The following PTPN4 variants were observed in gnomAD, a reference collection of about 807,000 sequenced individuals.
The protein encoded by PTPN4 is tyrosine-protein phosphatase non-receptor type 4.
Under a neutral mutation model 135.5 loss-of-function variants are expected in PTPN4, and 49 were observed. That is an observed-to-expected ratio of 0.36 (90% CI 0.29 to 0.46). The LOEUF (loss-of-function observed/expected upper bound fraction) is 0.46, where lower values mean the gene tolerates loss of function less well. PTPN4 is among the 20% of genes least tolerant of loss of function. PTPN4 has a pLI of 1.00. For missense variants in PTPN4, 860 were observed against 1,101.0 expected, an observed-to-expected ratio of 0.78 and a Z score of 3.10; for synonymous variants, 333 against 369.9, an observed-to-expected ratio of 0.90 and a Z score of 1.14.
chr2:119,778,828 C>A (rs950223451), intron 1 of PTPN4, among the ~76,000 whole-genome samples: 1 of 152,138 alleles, frequency 6.6e-6, no homozygotes, highest in Non-Finnish European at 1.5e-5. Context: ...TTTGAAAATG[C>A]TGTCTGTACA....
chr2:119,958,936 A>G (rs1183066489), intron 22 of PTPN4, among the ~76,000 whole-genome samples: 1 of 152,170 alleles, frequency 6.6e-6, no homozygotes, highest in Admixed American at 6.5e-5. Flanking sequence ...AGTTTTAAAC[A>G]GCAAAATCAC....
At chr2:119,877,391 T>C in intron 4 of PTPN4, 26 bp downstream of exon 4, 2 of 1,610,474 alleles carry the variant, frequency 1.2e-6, no homozygotes, top group Non-Finnish European at 1.7e-6. Context: ...TACTTAATGT[T>C]TTGCAAGTTT....
At chr2:119,911,908 T>A (rs1678577251) in intron 10 of PTPN4, among the ~76,000 whole-genome samples, 1 of 152,228 alleles carries the variant, frequency 6.6e-6, no homozygotes, top group Admixed American at 6.5e-5. Context: ...ATGACCTAGC[T>A]GTTTCACTCC....
chr2:119,825,883 A>G (rs1677139772), intron 2 of PTPN4, among the ~76,000 whole-genome samples: 1 of 152,158 alleles, frequency 6.6e-6, no homozygotes, highest in South Asian at 2.1e-4. Flanking sequence ...TCATCTCTAT[A>G]TGTCATTGTG....
rs1010516496 is a variant in PTPN4 at position 119,845,711 on chromosome 2, A to G, written c.139-16825A>G. Among the ~76,000 whole-genome samples, 29 of 151,848 alleles carry G rather than the reference A, an allele frequency of 1.9e-4. 1 individual carries two copies. Among genetic ancestry groups the G allele is most frequent in the Admixed American group, 1.4e-3 (22 of 15,250 alleles). On this transcript the variant is annotated intron_variant, in intron 2 of 26. Transcript: ENST00000263708. ...TTTCTTTATTGTTTTTTAATTCTCT[A>G]TTTTATACATTTCTGCACTAACTTT...
chr2:119,838,938 T>TTTATCTCTCTTTCTTACAG (rs1428139907), intron 2 of PTPN4, among the ~76,000 whole-genome samples: 26 of 152,324 alleles, frequency 1.7e-4, no homozygotes, highest in African/African-American at 6.3e-4. Context: ...ACCAATTACA[T>TTTATCTCTCTTTCTTACAG]TTATCTCTCT....
At chr2:119,869,654 G>A (rs1051972000) in intron 3 of PTPN4, among the ~76,000 whole-genome samples, 7 of 152,122 alleles carry the variant, frequency 4.6e-5, no homozygotes, top group Admixed American at 1.3e-4. Context: ...GAACTTGCCC[G>A]TAGGCAAAGA....
intron 1 of PTPN4, among the ~76,000 whole-genome samples, chr2:119,808,862 T>A (rs2104947653): frequency 6.6e-6 from 1 of 152,332 alleles, no homozygotes; most frequent in African/African-American, 2.4e-5. Flanking sequence ...GAATAATCTG[T>A]GAGAGATCAG....
chr2:119,891,382 G>A (rs1000551392), intron 9 of PTPN4, among the ~76,000 whole-genome samples: 10 of 152,146 alleles, frequency 6.6e-5, no homozygotes, highest in African/African-American at 1.9e-4. Context: ...GAGTGCAGTC[G>A]TGTGATCTCA....
At chr2:119,862,683 T>G in intron 3 of PTPN4, 40 bp downstream of exon 3, 1 of 1,529,278 alleles carries the variant, frequency 6.5e-7, no homozygotes, top group Non-Finnish European at 9.0e-7. Flanking sequence ...ATTTAGTTTT[T>G]CCTCTCAGTT....
At chr2:119,924,722 AATTGTT>A (rs1453694246) in intron 12 of PTPN4, among the ~76,000 whole-genome samples, 1 of 77,264 alleles carries the variant, frequency 1.3e-5, no homozygotes, top group Non-Finnish European at 2.7e-5. Context: ...TTTTAAAAAA[AATTGTT>A]TCTTTATTAT....
chr2:119,951,151 T>A (rs1346055017), intron 18 of PTPN4, among the ~76,000 whole-genome samples: 1 of 152,230 alleles, frequency 6.6e-6, no homozygotes, highest in Non-Finnish European at 1.5e-5. Flanking sequence ...CCTTGGCAAA[T>A]TGTCATAATA....
chr2:119,802,864 A>T (rs1252919328), intron 1 of PTPN4, among the ~76,000 whole-genome samples: 1 of 152,176 alleles, frequency 6.6e-6, no homozygotes, highest in Non-Finnish European at 1.5e-5. Flanking sequence ...GGGGAGTTTT[A>T]GAATTACGAA....
At position 119,810,002 on chromosome 2, in the gene PTPN4, T is replaced by C; in HGVS notation, c.138+11T>C. On this transcript the variant is annotated intron_variant, in intron 2 of 26. Coordinates refer to ENST00000263708, the MANE Select transcript of PTPN4 (RefSeq NM_002830.4). ...GCTTTCAAAGTCAATGTAAGTATTT[T>C]GTGTCTTTTAAAAAATAATCTCTGG... 1 of 1,597,932 alleles carries C rather than the reference T, an allele frequency of 6.3e-7. No individual in the cohort carries two copies. Among genetic ancestry groups the C allele is most frequent in the Non-Finnish European group, 8.5e-7 (1 of 1,174,094 alleles).
intron 9 of PTPN4, among the ~76,000 whole-genome samples, chr2:119,896,175 C>T (rs1678320898): frequency 6.6e-6 from 1 of 152,106 alleles, no homozygotes; most frequent in Admixed American, 6.6e-5. Flanking sequence ...ACTCCAGAAA[C>T]CTTTTCCCAA....
intron 1 of PTPN4, among the ~76,000 whole-genome samples, chr2:119,767,668 A>G (rs147212822): frequency 6.6e-6 from 1 of 152,314 alleles, no homozygotes; most frequent in Non-Finnish European, 1.5e-5. Context: ...TTTAATGAGC[A>G]GAGTCCTTTT....
chr2:119,957,181 C>G, intron 22 of PTPN4, 104 bp downstream of exon 22: 2 of 1,045,750 alleles, frequency 1.9e-6, no homozygotes, highest in Non-Finnish European at 2.8e-6. Flanking sequence ...AATATTAAAA[C>G]TTTCAGCTAT....
chr2:119,889,712 T>C (rs1196813389), intron 9 of PTPN4, among the ~76,000 whole-genome samples: 1 of 152,206 alleles, frequency 6.6e-6, no homozygotes, highest in African/African-American at 2.4e-5. Flanking sequence ...ATTGTTAGAC[T>C]GTTAACTTGT....
At chr2:119,856,348 C>G (rs1677680828) in intron 2 of PTPN4, among the ~76,000 whole-genome samples, 1 of 152,160 alleles carries the variant, frequency 6.6e-6, no homozygotes, top group African/African-American at 2.4e-5. Flanking sequence ...GCAGAGGGAG[C>G]CATTTGCTAT....
Sources: allele counts gnomAD v4.1 joint callset (sites outside exome capture counted in the v4.1 genomes callset), GRCh38; gene constraint gnomAD v4.1.1; transcripts MANE v1.5; gene names NCBI Gene and HGNC (gene_info 2026-07-23, HGNC 2026-07-21).